The following DERA variants were observed in gnomAD, a reference collection of about 807,000 sequenced individuals.
The protein encoded by DERA is deoxyribose-phosphate aldolase.
Under a neutral mutation model 41.1 loss-of-function variants are expected in DERA, and 15 were observed. The observed-to-expected ratio is 0.37, with a 90% CI of 0.24 to 0.56. The LOEUF (loss-of-function observed/expected upper bound fraction) is 0.56, where lower values mean the gene tolerates loss of function less well. DERA is among the 20% of genes least tolerant of loss of function. The pLI is 0.81. For missense variants in DERA, 396 were observed against 403.4 expected, an observed-to-expected ratio of 0.98 and a Z score of 0.16; for synonymous variants, 139 against 137.4, an observed-to-expected ratio of 1.01 and a Z score of -0.08.
At chr12:15,955,412 A>G (rs1948530946) in intron 1 of DERA, among the ~76,000 whole-genome samples, 1 of 152,202 alleles carries the variant, frequency 6.6e-6, no homozygotes, top group African/African-American at 2.4e-5. Flanking sequence ...CTCTGCTAGA[A>G]CAAAAACAGC....
intron 1 of DERA, among the ~76,000 whole-genome samples, chr12:15,917,107 G>A (rs1007990174): frequency 7.2e-5 from 11 of 152,160 alleles, no homozygotes; most frequent in African/African-American, 2.2e-4. Context: ...CAAGTGAGAA[G>A]TGACCTAATA....
chr12:15,997,338 C>T (rs958198308), intron 6 of DERA, among the ~76,000 whole-genome samples: 1 of 151,736 alleles, frequency 6.6e-6, no homozygotes, highest in Non-Finnish European at 1.5e-5. Flanking sequence ...TTGCAGGCTT[C>T]TAGGATTACT....
chr12:15,914,393 TAAAAAAAAA>T (rs1185673228), intron 1 of DERA, among the ~76,000 whole-genome samples: 1 of 55,024 alleles, frequency 1.8e-5, no homozygotes, highest in Admixed American at 2.1e-4. Flanking sequence ...TCAAAAAAGA[TAAAAAAAAA>T]AAAAAAAAAA....
Position 15,982,458 on chromosome 12 carries a change from A to G in DERA, c.637+22A>G. ...GCAGGTAAGTGTTTTATGTTCAAAT[A>G]ATGTTTTCTATTGAATTGATGTTTT... On this transcript the variant is annotated intron_variant, in intron 6 of 8. Transcript: ENST00000428559. This position sits in a 1 kb window ranked among gnomAD's most constrained non-coding sequence, Gnocchi z 4.0. 2 of 1,587,364 alleles carry G rather than the reference A, an allele frequency of 1.3e-6. No individual in the cohort carries two copies. The highest frequency in any genetic ancestry group is 8.5e-7 in the Non-Finnish European group (1 of 1,169,926).
chr12:16,023,719 C>T (rs1196886075), intron 6 of DERA, among the ~76,000 whole-genome samples: 3 of 151,910 alleles, frequency 2.0e-5, no homozygotes, highest in Non-Finnish European at 4.4e-5. Flanking sequence ...CCTCGTGATC[C>T]GCCCGCCTCG....
chr12:15,973,509 T>C (rs993918717), intron 5 of DERA, among the ~76,000 whole-genome samples: 1 of 150,758 alleles, frequency 6.6e-6, no homozygotes, highest in African/African-American at 2.4e-5. Flanking sequence ...AACAGACATA[T>C]ATTACATGTG....
chr12:15,923,648 C>A (rs1389453756), intron 1 of DERA, among the ~76,000 whole-genome samples: 3 of 151,578 alleles, frequency 2.0e-5, no homozygotes, highest in East Asian at 3.9e-4. Flanking sequence ...GTGAACAGAG[C>A]CTTTTATTTT....
At chr12:15,962,637 A>G (rs1156434292) in intron 4 of DERA, 176 bp from the exon 5 acceptor site, 6 of 512,430 alleles carry the variant, frequency 1.2e-5, no homozygotes, top group Non-Finnish European at 2.1e-5. Flanking sequence ...ACACTTATGC[A>G]TAAGTGATGT....
At chr12:15,930,146 A>G (rs1041978697) in intron 1 of DERA, among the ~76,000 whole-genome samples, 18 of 152,180 alleles carry the variant, frequency 1.2e-4, no homozygotes, top group African/African-American at 4.3e-4. Flanking sequence ...CCTTTACTCA[A>G]AATATATTAG....
chr12:15,983,045 C>T lies in DERA; in HGVS notation c.637+609C>T, dbSNP rs1334653602. Among the ~76,000 whole-genome samples the T allele has an allele frequency of 2.6e-5, 4 of 152,168 alleles. No individual in the cohort carries two copies. The highest frequency in any genetic ancestry group is 5.9e-5 in the Non-Finnish European group (4 of 68,032). On this transcript the variant is annotated intron_variant, in intron 6 of 8. Transcript: ENST00000428559. The surrounding 1 kb of genome is among the most constrained non-coding windows in gnomAD (Gnocchi z 6.2). ...AGCCTTGAGAGTTCTCTCTAGACCT[C>T]TTTGCTGTGTCTGACACATCTTCCC...
chr12:15,983,702 TG>T lies in DERA; in HGVS notation c.637+1269del, dbSNP rs1291112668. ...TACCTGGTTTCTCTGGTCTTGAATC[TG>T]GGCCAGCCATATTCTTGTGTACTTC... On this transcript the variant is annotated intron_variant, in intron 6 of 8. Transcript: ENST00000428559. This position sits in a 1 kb window ranked among gnomAD's most constrained non-coding sequence, Gnocchi z 6.2. Among the ~76,000 whole-genome samples, 1 of 152,212 alleles carries T rather than the reference TG, an allele frequency of 6.6e-6. No homozygotes were observed. Among genetic ancestry groups the T allele is most frequent in the Non-Finnish European group, 1.5e-5 (1 of 68,030 alleles).
At chr12:15,975,778 T>A (rs1316729203) in intron 5 of DERA, among the ~76,000 whole-genome samples, 4 of 152,382 alleles carry the variant, frequency 2.6e-5, no homozygotes, top group Admixed American at 1.3e-4. Context: ...CTATCCTTTT[T>A]ATGTTCCCAT....
rs1206600426 is a variant in DERA at position 16,014,368 on chromosome 12, A to G, written c.638-18174A>G. Among the ~76,000 whole-genome samples, 1 of 152,174 alleles carries G rather than the reference A, an allele frequency of 6.6e-6. No individual in the cohort carries two copies. Among genetic ancestry groups the G allele is most frequent in the African/African-American group, 2.4e-5 (1 of 41,462 alleles). Reference sequence around the variant, plus strand: ...CAGGCCTAGGGCCTTGCTACTTTGTATAGTCTCAGGACTTGGTGCCCTGCA... The same window carrying G: ...CAGGCCTAGGGCCTTGCTACTTTGTGTAGTCTCAGGACTTGGTGCCCTGCA... On this transcript the variant is annotated intron_variant, in intron 6 of 8. Coordinates refer to ENST00000428559, the MANE Select transcript of DERA (RefSeq NM_015954.4). This position sits in a 1 kb window ranked among gnomAD's most constrained non-coding sequence, Gnocchi z 5.4.
chr12:16,033,511 A>C (rs1258541262), intron 7 of DERA, among the ~76,000 whole-genome samples: 1 of 151,576 alleles, frequency 6.6e-6, no homozygotes, highest in East Asian at 1.9e-4. Flanking sequence ...TTTCCTTTTC[A>C]TCTCAAGTTA....
chr12:15,933,266 A>T (rs993776340), intron 1 of DERA, among the ~76,000 whole-genome samples: 4 of 152,158 alleles, frequency 2.6e-5, no homozygotes, highest in African/African-American at 9.7e-5. Context: ...CATAATGGCT[A>T]TACTAACTTA....
chr12:15,972,651 C>A lies in DERA; in HGVS notation c.509-9657C>A. The stretch of plus-strand genomic sequence containing the variant: ...AAGTCGGGGACCTCCAGCGTGCACC[C>A]AGAGAGGGAACGATGTATGTGATGT... On this transcript the variant is annotated intron_variant, in intron 5 of 8. Coordinates refer to ENST00000428559, the MANE Select transcript of DERA (RefSeq NM_015954.4). The surrounding 1 kb of genome is among the most constrained non-coding windows in gnomAD (Gnocchi z 4.4). 5.7e-6 allele frequency: 1 copy of A among 175,710 alleles called. No individual in the cohort carries two copies. Among genetic ancestry groups the A allele is most frequent in the East Asian group, 1.4e-4 (1 of 7,224 alleles). The allele number at this position is 175,710 out of a possible 1,614,324, so 10.9% of individuals were successfully genotyped here.
chr12:15,939,251 C>T (rs1000327089), intron 1 of DERA, among the ~76,000 whole-genome samples: 15 of 152,168 alleles, frequency 9.9e-5, no homozygotes, highest in African/African-American at 3.6e-4. Context: ...TCTTGCATTT[C>T]CCAGTCCCAG....
In DERA at chr12:15,941,573, T is replaced by G. The variant is rs1004586807; in HGVS notation, c.32-15363T>G. Among the ~76,000 whole-genome samples the G allele has an allele frequency of 5.9e-5, 9 of 152,190 alleles. No homozygotes were observed. Among genetic ancestry groups the G allele is most frequent in the African/African-American group, 1.7e-4 (7 of 41,448 alleles). Reference sequence around the variant, plus strand: ...CTCAGAGTTCGCTATATCATCCTTATGCCTTTGTGTCCTCACAGCTTAGCC... The same window carrying G: ...CTCAGAGTTCGCTATATCATCCTTAGGCCTTTGTGTCCTCACAGCTTAGCC... On this transcript the variant is annotated intron_variant, in intron 1 of 8. Transcript: ENST00000428559. This position sits in a 1 kb window ranked among gnomAD's most constrained non-coding sequence, Gnocchi z 4.5.
intron 6 of DERA, among the ~76,000 whole-genome samples, chr12:15,991,812 C>G (rs1418195537): frequency 6.6e-6 from 1 of 151,982 alleles, no homozygotes; most frequent in African/African-American, 2.4e-5. Flanking sequence ...TGCTTTTGTT[C>G]TATATGGTCA....
Sources: gnomAD v4.1 joint callset for allele counts (sites outside exome capture counted in the v4.1 genomes callset) on GRCh38, gnomAD v4.1.1 for gene constraint, Gnocchi (gnomAD v3.1) non-coding constraint, MANE v1.5 for transcripts, NCBI Gene and HGNC (gene_info 2026-07-23, HGNC 2026-07-21) for gene names.